Variants in ADNP observed in about 807,000 individuals in gnomAD.
ADNP encodes activity-dependent neuroprotector homeobox protein.
Under a neutral mutation model 84.9 loss-of-function variants are expected in ADNP, and 4 were observed. That is an observed-to-expected ratio of 0.05 (90% CI 0.02 to 0.11). ADNP has a LOEUF of 0.11. Among genes scored for constraint, ADNP ranks in the 10% least tolerant of loss-of-function variants. ADNP has a pLI of 1.00. For synonymous variants in ADNP, 554 were observed against 468.1 expected (o/e 1.18, Z -2.37); for missense variants, 1,132 against 1,326.0 (o/e 0.85, Z 2.27).
intron 2 of ADNP, among the ~76,000 whole-genome samples, chr20:50,920,262 CAAA>C (rs56181933): frequency 2.3e-4 from 15 of 64,554 alleles, no homozygotes; most frequent in East Asian, 4.8e-4. Context: ...ATTCCACCTC[CAAA>C]AAAAAAAAAA....
rs1980483341 is a variant in ADNP, at chr20:50,889,946, G to A, written c.*1459C>T. The A allele has an allele frequency of 2.6e-6, 1 of 384,864 alleles. No individual in the cohort carries two copies. Among genetic ancestry groups the A allele is most frequent in the Non-Finnish European group, 4.5e-6 (1 of 224,438 alleles). 23.8% of individuals were successfully genotyped at this position (384,864 alleles called of 1,614,324 possible). A position where few individuals can be genotyped will look rare whatever the true frequency, so the allele number is the denominator to read the frequency against. On this transcript the variant is annotated 3_prime_UTR_variant, in exon 6 of 6. Coordinates refer to ENST00000621696, the MANE Select transcript of ADNP (RefSeq NM_001282531.3). Reference sequence around the variant, plus strand: ...TTCCCATCGTAAGGTGAAAACGAACGTTTAACTTCATCTAGAAGAAAAAAC... The same window carrying A: ...TTCCCATCGTAAGGTGAAAACGAACATTTAACTTCATCTAGAAGAAAAAAC...
intron 2 of ADNP, among the ~76,000 whole-genome samples, chr20:50,908,862 A>G (rs1034312096): frequency 6.6e-6 from 1 of 152,200 alleles, no homozygotes; most frequent in Non-Finnish European, 1.5e-5. Flanking sequence ...GGGTGGGAAC[A>G]GAATAGATAA....
chr20:50,891,270 G>C lies in ADNP; in HGVS notation c.*135C>G, dbSNP rs1400828767. ...GTCATAGACTTAGAAATAACCACTG[G>C]AACTGCAGCGGCCACATGCCCCACA... On this transcript the variant is annotated 3_prime_UTR_variant, in exon 6 of 6. Coordinates refer to ENST00000621696, the MANE Select transcript of ADNP (RefSeq NM_001282531.3). 2.1e-6 allele frequency: 3 copies of C among 1,423,812 alleles called. No homozygotes were observed. Among genetic ancestry groups the C allele is most frequent in the African/African-American group, 2.9e-5 (2 of 69,358 alleles). 88.2% of individuals were successfully genotyped at this position (1,423,812 alleles called of 1,614,324 possible).
Position 50,893,115 on chromosome 20 carries a change from C to G in ADNP, c.1599G>C (p.Met533Ile). The change falls in exon 6 of 6, where the codon ATG becomes ATC. Residue 533 changes from methionine to isoleucine, a missense_variant. Around this residue, in one of 10 missense-constraint regions of ADNP, gnomAD observed 87 missense variants for 181.4 expected, o/e 0.48. Transcript: ENST00000621696. The surrounding 1 kb of genome is among the most constrained non-coding windows in gnomAD (Gnocchi z 4.4). ...DVEKMAAHMRMVHIDEEMGPK... is the reference protein window; with the variant it reads ...DVEKMAAHMRIVHIDEEMGPK... ...GTCCCATCTCTTCATCAATGTGAAC[C>G]ATCCGCATGTGTGCGGCCATCTTTT... 1 of 1,614,240 alleles carries G rather than the reference C, an allele frequency of 6.2e-7. No homozygotes were observed. The highest frequency in any genetic ancestry group is 1.1e-5 in the South Asian group (1 of 91,088).
Position 50,892,861 on chromosome 20 carries a change from T to C in ADNP, c.1853A>G (p.Asp618Gly). The C allele has an allele frequency of 6.2e-7, 1 of 1,614,240 alleles. No individual in the cohort carries two copies. Among genetic ancestry groups the C allele is most frequent in the Non-Finnish European group, 8.5e-7 (1 of 1,180,048 alleles). The change falls in exon 6 of 6, where the codon GAT becomes GGT. Residue 618 changes from aspartate to glycine, a missense_variant. Transcript: ENST00000621696. ...SPQAAVPYKK[D>G]VGKTLCPLCF... ...AAGAGGACAAAGGGTTTTCCCAACATCTTTTTTATAGGGCACTGCAGCTTG... is the reference window on the plus strand; with the variant it reads ...AAGAGGACAAAGGGTTTTCCCAACACCTTTTTTATAGGGCACTGCAGCTTG...
At chr20:50,919,113 C>T (rs538098850) in intron 2 of ADNP, among the ~76,000 whole-genome samples, 1 of 151,926 alleles carries the variant, frequency 6.6e-6, no homozygotes, top group South Asian at 2.1e-4. Flanking sequence ...TCTTTCAGCA[C>T]GTTCATTTTC....
intron 2 of ADNP, among the ~76,000 whole-genome samples, chr20:50,912,418 G>A (rs186518596): frequency 2.4e-3 from 372 of 152,236 alleles, no homozygotes; most frequent in Non-Finnish European, 3.8e-3. Flanking sequence ...CCAAAGTGCT[G>A]GGATTACAGG....
intron 2 of ADNP, among the ~76,000 whole-genome samples, chr20:50,926,154 C>T (rs574862027): frequency 5.0e-4 from 76 of 152,256 alleles, no homozygotes; most frequent in African/African-American, 1.8e-3. Flanking sequence ...TAAGTTTATA[C>T]GATGCTAATA....
intron 2 of ADNP, among the ~76,000 whole-genome samples, chr20:50,918,332 A>G (rs1396577291): frequency 6.6e-6 from 1 of 152,216 alleles, no homozygotes; most frequent in Admixed American, 6.5e-5. Context: ...GCATTTGTTA[A>G]TATTACCCAG....
intron 2 of ADNP, among the ~76,000 whole-genome samples, chr20:50,922,909 T>C (rs1021590488): frequency 1.3e-5 from 2 of 152,014 alleles, no homozygotes; most frequent in Admixed American, 6.5e-5. Flanking sequence ...AAGCTTCATA[T>C]AGGAAACCTT....
At position 50,928,388 on chromosome 20, in the gene ADNP, A is replaced by C. The variant is rs866611676; in HGVS notation, c.-90+263T>G. 5.3e-5 allele frequency among the ~76,000 whole-genome samples: 8 copies of C among 152,312 alleles called. No homozygotes were observed. The South Asian group carries it at 1.7e-3, about 32-fold the overall frequency. On this transcript the variant is annotated intron_variant, in intron 2 of 5. Transcript: ENST00000621696. ...GTTATCAAAGTAATAGTAACTGAAT[A>C]CTTATACTTTATACAAAGGGGTGTA...
In ADNP at chr20:50,890,073, A is replaced by C. The variant is rs969892864; in HGVS notation, c.*1332T>G. On this transcript the variant is annotated 3_prime_UTR_variant, in exon 6 of 6. Coordinates refer to ENST00000621696, the MANE Select transcript of ADNP (RefSeq NM_001282531.3). ...CATTGAGACATTTACATATATATGC[A>C]GGCTCTGCTCCTTAACAAAAGGTGA... 5.6e-5 allele frequency: 15 copies of C among 269,218 alleles called. No individual in the cohort carries two copies. Among genetic ancestry groups the C allele is most frequent in the African/African-American group, 3.3e-4 (15 of 45,078 alleles). The allele number at this position is 269,218 out of a possible 1,614,324, so 16.7% of individuals were successfully genotyped here. A position where few individuals can be genotyped will look rare whatever the true frequency, so the allele number is the denominator to read the frequency against.
At position 50,890,990 on chromosome 20, in the gene ADNP, C is replaced by T; in HGVS notation, c.*415G>A. 23 of 996,072 alleles carry T rather than the reference C, an allele frequency of 2.3e-5. No homozygotes were observed. The highest frequency in any genetic ancestry group is 2.4e-5 in the Non-Finnish European group (20 of 837,624). 61.7% of individuals were successfully genotyped at this position (996,072 alleles called of 1,614,324 possible). ...TCAGAATGAATACATGAAAAAAAAT[C>T]GCTTTTCCCAAAGTCTACTATACAC... On this transcript the variant is annotated 3_prime_UTR_variant, in exon 6 of 6. Coordinates refer to ENST00000621696, the MANE Select transcript of ADNP (RefSeq NM_001282531.3).
At chr20:50,900,111 C>A (rs766857478) in intron 5 of ADNP, among the ~76,000 whole-genome samples, 1 of 152,164 alleles carries the variant, frequency 6.6e-6, no homozygotes, top group Non-Finnish European at 1.5e-5. Context: ...CCACTCAGAG[C>A]AACTTCCAGT....
In ADNP at chr20:50,889,079, G is replaced by A. The variant is rs1024258867; in HGVS notation, c.*2326C>T. The stretch of plus-strand genomic sequence containing the variant: ...TAAAATGGCTTTTATTGAGACACTT[G>A]TAGGGATTCTGCAACATTTCCAGTT... On this transcript the variant is annotated 3_prime_UTR_variant, in exon 6 of 6. Transcript: ENST00000621696. 4 of 152,212 alleles carry A rather than the reference G, an allele frequency of 2.6e-5. No individual in the cohort carries two copies. Among genetic ancestry groups the A allele is most frequent in the African/African-American group, 9.6e-5 (4 of 41,452 alleles). The allele number at this position is 152,212 out of a possible 1,614,324, so 9.4% of individuals were successfully genotyped here.
At position 50,892,553 on chromosome 20, in the gene ADNP, G is replaced by C. The variant is rs1980904318; in HGVS notation, c.2161C>G (p.Gln721Glu). 6.2e-7 allele frequency: 1 copy of C among 1,614,072 alleles called. No homozygotes were observed. Among genetic ancestry groups the C allele is most frequent in the South Asian group, 1.1e-5 (1 of 91,094 alleles). The stretch of plus-strand genomic sequence containing the variant: ...TTTTTCAGTAAGGGAAATTCCATTT[G>C]CTCGTAAGTGCGCTTCACAGGTGCC... ...SLAPVKRTYE[Q>E]MEFPLLKKRK... The change falls in exon 6 of 6, where the codon CAA becomes GAA. Residue 721 changes from glutamine to glutamate, a missense_variant. This residue lies in a region of ADNP where 101 missense variants were observed against 78.5 expected (regional missense o/e 1.29). Coordinates refer to ENST00000621696, the MANE Select transcript of ADNP (RefSeq NM_001282531.3).
Position 50,891,699 on chromosome 20 carries a change from A to C in ADNP, c.3015T>G (p.Asp1005Glu). 1 of 1,614,030 alleles carries C rather than the reference A, an allele frequency of 6.2e-7. No homozygotes were observed. Among genetic ancestry groups the C allele is most frequent in the Non-Finnish European group, 8.5e-7 (1 of 1,180,016 alleles). Reference sequence around the variant, plus strand: ...TGGCAGCTGGCTTACTGCTCCTTGCATCTTCGCTTTGGGAAGACTCGTCAG... The same window carrying C: ...TGGCAGCTGGCTTACTGCTCCTTGCCTCTTCGCTTTGGGAAGACTCGTCAG... ...TWSDESSQSE[D>E]ARSSKPAAKK... Residue 1005 changes from aspartate (D) to glutamate (E), a missense_variant, in exon 6 of 6, where the codon GAT becomes GAG. By Grantham distance (45) the Asp-to-Glu change is conservative. Transcript: ENST00000621696.
At chr20:50,895,520 T>G (rs894857110) in intron 5 of ADNP, among the ~76,000 whole-genome samples, 1 of 152,228 alleles carries the variant, frequency 6.6e-6, no homozygotes, top group Non-Finnish European at 1.5e-5. Flanking sequence ...TACTGTAGAC[T>G]TTATGAACAC....
chr20:50,909,363 C>CAAAAAAAAAAAAAAAAAAAAAAA lies in ADNP; in HGVS notation c.-89-4537_-89-4515dup, dbSNP rs3069819. On this transcript the variant is annotated intron_variant, in intron 2 of 5. Transcript: ENST00000621696. Reference sequence around the variant, plus strand: ...GTGGGCGACAAGAGTAAAACTGTCTCAAAAAAAAAAAAAAAAAAAAAAAAA... The same window carrying CAAAAAAAAAAAAAAAAAAAAAAA: ...GTGGGCGACAAGAGTAAAACTGTCTCAAAAAAAAAAAAAAAAAAAAAAAAAAAAAAAAAAAAAAAAAAAAAAAA... 12 of 44,356 alleles carry CAAAAAAAAAAAAAAAAAAAAAAA rather than the reference C, an allele frequency of 2.7e-4. 2 individuals are homozygous for CAAAAAAAAAAAAAAAAAAAAAAA. Among genetic ancestry groups the CAAAAAAAAAAAAAAAAAAAAAAA allele is most frequent in the Admixed American group, 8.6e-4 (2 of 2,336 alleles). The allele number at this position is 44,356 out of a possible 1,614,324, so 2.7% of individuals were successfully genotyped here. A position where few individuals can be genotyped will look rare whatever the true frequency, so the allele number is the denominator to read the frequency against.
Sources: allele counts gnomAD v4.1 joint callset (sites outside exome capture counted in the v4.1 genomes callset), GRCh38; gene constraint gnomAD v4.1.1; regional missense constraint gnomAD v4.1.1; non-coding constraint Gnocchi (gnomAD v3.1); transcripts MANE v1.5; gene names NCBI Gene and HGNC (gene_info 2026-07-23, HGNC 2026-07-21).